Variants in TM2D1 observed in about 807,000 individuals in gnomAD.
The protein encoded by TM2D1 is TM2 domain containing 1, also known as TM2 domain-containing protein 1.
A neutral mutation model predicts 28.4 loss-of-function variants in TM2D1; 15 were observed. The observed-to-expected ratio is 0.53, with a 90% CI of 0.35 to 0.81. TM2D1 has a LOEUF of 0.81. Among genes scored for constraint, TM2D1 ranks in the 40% least tolerant of loss-of-function variants. TM2D1 has a pLI of 0.01. For synonymous variants in TM2D1, 93 were observed against 96.2 expected (o/e 0.97, Z 0.20); for missense variants, 236 against 254.9 (o/e 0.93, Z 0.50).
At chr1:61,716,382 T>TATATATATAA (rs1369125776) in intron 2 of TM2D1, among the ~76,000 whole-genome samples, 1 of 146,084 alleles carries the variant, frequency 6.8e-6, no homozygotes, top group East Asian at 2.0e-4. Flanking sequence ...ATTATATAAT[T>TATATATATAA]TTATATATAA....
At chr1:61,692,527 G>C (rs542005119) in intron 5 of TM2D1, among the ~76,000 whole-genome samples, 1 of 150,078 alleles carries the variant, frequency 6.7e-6, no homozygotes, top group African/African-American at 2.5e-5. Flanking sequence ...AAGAAGGAAA[G>C]AAAGAGAAAG....
chr1:61,685,886 G>A (rs554350462), intron 5 of TM2D1, among the ~76,000 whole-genome samples: 123 of 152,286 alleles, frequency 8.1e-4, no homozygotes, highest in Middle Eastern at 6.8e-3. Flanking sequence ...CATGGTGTGC[G>A]CTTGTAGTCT....
At chr1:61,711,329 CAAAAAAAAA>C (rs1203013202) in intron 2 of TM2D1, among the ~76,000 whole-genome samples, 1 of 86,082 alleles carries the variant, frequency 1.2e-5, no homozygotes, top group Non-Finnish European at 2.4e-5. Context: ...AACTCCACCT[CAAAAAAAAA>C]AAAAAGAAAA....
At chr1:61,704,250 A>C (rs1644425175) in intron 3 of TM2D1, among the ~76,000 whole-genome samples, 1 of 152,098 alleles carries the variant, frequency 6.6e-6, no homozygotes, top group Non-Finnish European at 1.5e-5. Flanking sequence ...AACTTTTTAT[A>C]TGGCACATAT....
At chr1:61,709,763 A>G (rs1328910946) in intron 2 of TM2D1, among the ~76,000 whole-genome samples, 1 of 152,208 alleles carries the variant, frequency 6.6e-6, no homozygotes, top group African/African-American at 2.4e-5. Context: ...CTTCATCTCC[A>G]GAATTAAGAA....
intron 5 of TM2D1, among the ~76,000 whole-genome samples, chr1:61,688,736 G>A (rs1311726801): frequency 5.2e-5 from 7 of 133,726 alleles, no homozygotes; most frequent in African/African-American, 8.3e-5. Flanking sequence ...ACCGCCCCCC[G>A]CCACCCAAAA....
chr1:61,697,210 G>A (rs1463995677), intron 4 of TM2D1, among the ~76,000 whole-genome samples: 1 of 151,026 alleles, frequency 6.6e-6, no homozygotes, highest in Admixed American at 6.6e-5. Flanking sequence ...CACGTTTGGA[G>A]TAAGATATGC....
intron 3 of TM2D1, among the ~76,000 whole-genome samples, chr1:61,703,409 CA>C (rs1644417273): frequency 1.4e-5 from 2 of 139,212 alleles, no homozygotes; most frequent in South Asian, 4.7e-4. Flanking sequence ...ATATGTTTCA[CA>C]TAATTTTTTT....
At position 61,716,566 on chromosome 1, in the gene TM2D1, T is replaced by C. The variant is rs1322264413; in HGVS notation, c.239-7129A>G. Among the ~76,000 whole-genome samples the C allele has an allele frequency of 4.2e-5, 6 of 144,472 alleles. No individual in the cohort carries two copies. The East Asian group carries it at 7.8e-4, about 19-fold the overall frequency. 94.8% of individuals were successfully genotyped at this position (144,472 alleles called of 152,430 possible). A position where few individuals can be genotyped will look rare whatever the true frequency, so the allele number is the denominator to read the frequency against. ...TTTTATATATGTATATAATTTTATA[T>C]ATGTATATAATTTTATATATATATA... On this transcript the variant is annotated intron_variant, in intron 2 of 6. Transcript: ENST00000606498.
chr1:61,698,553 C>A (rs1151769), intron 4 of TM2D1: 19 of 136,254 alleles, frequency 1.4e-4, no homozygotes, highest in African/African-American at 3.4e-4. Flanking sequence ...AGTGAAACTC[C>A]GCCTAAAAAA....
chr1:61,691,932 A>ATATATATATATATATAT (rs1553140879), intron 5 of TM2D1, among the ~76,000 whole-genome samples: 16 of 76,388 alleles, frequency 2.1e-4, no homozygotes, highest in East Asian at 4.7e-4. Context: ...AAAAAAAAAA[A>ATATATATATATATATAT]ATATATATAT....
chr1:61,688,976 G>T (rs531970479), intron 5 of TM2D1, among the ~76,000 whole-genome samples: 10 of 142,604 alleles, frequency 7.0e-5, no homozygotes, highest in Admixed American at 6.3e-4. Flanking sequence ...GGTGGAGGTT[G>T]CAGTGAGCTG....
At position 61,725,024 on chromosome 1, in the gene TM2D1, A is replaced by C. The variant is rs759894256; in HGVS notation, c.97T>G (p.Trp33Gly). ...CCGGCGGAGGTGGCAACAGCCCCCC[A>C]GGGTCCTGTAGTGACTGAGACGAAC... ...LWFVSVTTGPWGAVATSAGGE... is the reference protein window; with the variant it reads ...LWFVSVTTGPGGAVATSAGGE... Residue 33 changes from tryptophan to glycine, a missense_variant, in exon 1 of 7, where the codon TGG (tryptophan) becomes GGG (glycine). Transcript: ENST00000606498. The C allele has an allele frequency of 2.9e-4, 469 of 1,612,358 alleles. No homozygotes were observed. The highest frequency in any genetic ancestry group is 3.7e-4 in the Non-Finnish European group (442 of 1,178,700).
Position 61,725,001 on chromosome 1 carries a change from G to A in TM2D1, c.120C>T (p.Ala40=), listed in dbSNP as rs774655147. 1.8e-5 allele frequency: 29 copies of A among 1,609,738 alleles called. No homozygotes were observed. The highest frequency in any genetic ancestry group is 2.2e-5 in the South Asian group (2 of 91,012). ...TGPWGAVATS[A]GGEESLKCED... ...CGCACTTAAGCGACTCCTCGCCCCC[G>A]GCGGAGGTGGCAACAGCCCCCCAGG... The change falls in exon 1 of 7, where the codon GCC becomes GCT. Residue 40 remains alanine (A), a synonymous_variant. Coordinates refer to ENST00000606498, the MANE Select transcript of TM2D1 (RefSeq NM_032027.3).
At chr1:61,711,586 C>T (rs949072343) in intron 2 of TM2D1, among the ~76,000 whole-genome samples, 2 of 151,092 alleles carry the variant, frequency 1.3e-5, no homozygotes. Flanking sequence ...TGTGATCATG[C>T]CACTGCACTC....
intron 4 of TM2D1, chr1:61,700,283 G>T (rs755634046): frequency 1.4e-6 from 2 of 1,480,544 alleles, no homozygotes; most frequent in Non-Finnish European, 8.9e-7. Context: ...ACCTGTTAAA[G>T]AGGATTTAAA....
intron 2 of TM2D1, among the ~76,000 whole-genome samples, chr1:61,714,498 G>A (rs7538825): frequency 0.3 from 45,465 of 151,810 alleles, 7,467 homozygotes; most frequent in African/African-American, 0.43. Context: ...CTGAGGTCGC[G>A]CCACTGCACT....
At chr1:61,688,995 C>T (rs1335550659) in intron 5 of TM2D1, among the ~76,000 whole-genome samples, 1 of 152,182 alleles carries the variant, frequency 6.6e-6, no homozygotes, top group Admixed American at 6.5e-5. Flanking sequence ...TGAGATCGTG[C>T]CACTGCACTC....
intron 2 of TM2D1, among the ~76,000 whole-genome samples, chr1:61,721,142 G>GA (rs1267725848): frequency 6.6e-6 from 1 of 151,952 alleles, no homozygotes; most frequent in African/African-American, 2.4e-5. Context: ...GAGGTGGGAG[G>GA]ATCTCCTGAG....
Sources: gnomAD v4.1 joint callset for allele counts (sites outside exome capture counted in the v4.1 genomes callset) on GRCh38, gnomAD v4.1.1 for gene constraint, MANE v1.5 for transcripts, NCBI Gene and HGNC (gene_info 2026-07-23, HGNC 2026-07-21) for gene names.